The following VASP variants were observed in gnomAD, a reference collection of about 807,000 sequenced individuals.
VASP encodes vasodilator stimulated phosphoprotein.
VASP carries 27 observed loss-of-function variants against 54.4 expected under a neutral mutation model. The observed-to-expected ratio is 0.50, with a 90% CI of 0.37 to 0.68. VASP has a LOEUF of 0.68. VASP is among the 30% of genes least tolerant of loss of function. VASP has a pLI of 0.00. For synonymous variants in VASP, 233 were observed against 209.8 expected (o/e 1.11, Z -0.96); for missense variants, 488 against 528.3 (o/e 0.92, Z 0.75).
chr19:45,520,761 C>T (rs1436642547), intron 3 of VASP, among the ~76,000 whole-genome samples: 1 of 152,158 alleles, frequency 6.6e-6, no homozygotes, highest in Admixed American at 6.5e-5. Context: ...GTCAGGAGTT[C>T]GAGACCAGCC....
chr19:45,507,884 C>T lies in VASP; in HGVS notation c.5+108C>T. 1.5e-6 allele frequency: 1 copy of T among 661,408 alleles called. No homozygotes were observed. Among genetic ancestry groups the T allele is most frequent in the Non-Finnish European group, 2.3e-6 (1 of 432,342 alleles). The allele number at this position is 661,408 out of a possible 1,614,324, so 41.0% of individuals were successfully genotyped here. A position where few individuals can be genotyped will look rare whatever the true frequency, so the allele number is the denominator to read the frequency against. ...CCGGGCTGGAATTTGGGGACAGATC[C>T]TTGGGAGCCTCGGATTTGAGCTGAA... On this transcript the variant is annotated intron_variant, in intron 1 of 12. Coordinates refer to ENST00000245932, the MANE Select transcript of VASP (RefSeq NM_003370.4). The surrounding 1 kb of genome is among the most constrained non-coding windows in gnomAD (Gnocchi z 4.4).
At position 45,517,367 on chromosome 19, in the gene VASP, C is replaced by A. The variant is rs541489429; in HGVS notation, c.6-296C>A. On this transcript the variant is annotated intron_variant, in intron 1 of 12. Transcript: ENST00000245932. ...CCATCCTTTTTCCCCACCCCTCCCC[C>A]ATCTGTTCATCTGTCTGTCTGCCTT... Among the ~76,000 whole-genome samples, 12 of 129,670 alleles carry A rather than the reference C, an allele frequency of 9.3e-5. No individual in the cohort carries two copies. The East Asian group carries it at 1.0e-3, about 11-fold the overall frequency. 85.1% of individuals were successfully genotyped at this position (129,670 alleles called of 152,430 possible).
chr19:45,512,206 A>G (rs1000823197), intron 1 of VASP, among the ~76,000 whole-genome samples: 5 of 152,082 alleles, frequency 3.3e-5, no homozygotes, highest in Admixed American at 6.5e-5. Context: ...GTTCCCCTCA[A>G]TGGAGGCAGC....
intron 11 of VASP, 173 bp downstream of exon 11, chr19:45,524,833 GC>G: frequency 1.7e-6 from 1 of 602,848 alleles, no homozygotes; most frequent in Non-Finnish European, 2.9e-6. Context: ...CCCTTTTCTG[GC>G]ACCTGTGACA....
In VASP at chr19:45,507,559, C is replaced by G. The variant is rs1441042507; in HGVS notation, c.-213C>G. 1 of 539,824 alleles carries G rather than the reference C, an allele frequency of 1.9e-6. No homozygotes were observed. The highest frequency in any genetic ancestry group is 3.2e-6 in the Non-Finnish European group (1 of 312,190). The allele number at this position is 539,824 out of a possible 1,614,324, so 33.4% of individuals were successfully genotyped here. ...CGGACGCTGCATCCCCTTTCTGCTG[C>G]AGGAACCTCTCATCAGACCGCCTGA... is the stretch of plus-strand genomic sequence containing the variant. On this transcript the variant is annotated 5_prime_UTR_variant, in exon 1 of 13. Coordinates refer to ENST00000245932, the MANE Select transcript of VASP (RefSeq NM_003370.4). This position sits in a 1 kb window ranked among gnomAD's most constrained non-coding sequence, Gnocchi z 4.4.
intron 11 of VASP, 36 bp downstream of exon 11, chr19:45,524,696 G>A: frequency 6.3e-7 from 1 of 1,599,338 alleles, no homozygotes; most frequent in South Asian, 1.1e-5. Flanking sequence ...CACAGCAAGA[G>A]AGATCTAGGT....
At chr19:45,519,149 G>C (rs1968770692) in intron 3 of VASP, among the ~76,000 whole-genome samples, 1 of 152,218 alleles carries the variant, frequency 6.6e-6, no homozygotes, top group Non-Finnish European at 1.5e-5. Context: ...CGAGTAGCTG[G>C]GACTATAGGC....
At chr19:45,514,511 G>A (rs1476993732) in intron 1 of VASP, among the ~76,000 whole-genome samples, 3 of 152,108 alleles carry the variant, frequency 2.0e-5, no homozygotes, top group Non-Finnish European at 4.4e-5. Context: ...ATGAGCCACC[G>A]TTCCCCGCCC....
At chr19:45,512,894 C>T (rs1014418216) in intron 1 of VASP, among the ~76,000 whole-genome samples, 1 of 152,266 alleles carries the variant, frequency 6.6e-6, no homozygotes, top group East Asian at 1.9e-4. Context: ...CCACCGCACC[C>T]GACCTTTTTT....
In VASP at chr19:45,519,894, CTTT is replaced by C. The variant is rs57892194; in HGVS notation, c.344-1402_344-1400del. Among the ~76,000 whole-genome samples the C allele has an allele frequency of 8.5e-3, 432 of 50,932 alleles. 1 individual carries two copies. Among genetic ancestry groups the C allele is most frequent in the Middle Eastern group, 0.038 (1 of 26 alleles). 33.4% of individuals were successfully genotyped at this position (50,932 alleles called of 152,430 possible). A position where few individuals can be genotyped will look rare whatever the true frequency, so the allele number is the denominator to read the frequency against. On this transcript the variant is annotated intron_variant, in intron 3 of 12. Transcript: ENST00000245932. ...ACAGGCGTGAGCCACTGCGCCCGGCCTTTTTTTTTTTTTTTTTTTTTTTTTTTT... is the reference window on the plus strand; with the variant it reads ...ACAGGCGTGAGCCACTGCGCCCGGCCTTTTTTTTTTTTTTTTTTTTTTTTT...
At position 45,523,534 on chromosome 19, in the gene VASP, T is replaced by C. The variant is rs551064673; in HGVS notation, c.822-110T>C. 737 of 1,282,422 alleles carry C rather than the reference T, an allele frequency of 5.7e-4. 4 individuals are homozygous for C. In the Middle Eastern group the frequency reaches 0.011, roughly 19 times the overall value. 79.4% of individuals were successfully genotyped at this position (1,282,422 alleles called of 1,614,324 possible). A position where few individuals can be genotyped will look rare whatever the true frequency, so the allele number is the denominator to read the frequency against. Reference sequence around the variant, plus strand: ...TTTCTAAAACTAGAGTTTCCTTAGGTTTTCGGAGTTCCAGAATTCTATGCG... The same window carrying C: ...TTTCTAAAACTAGAGTTTCCTTAGGCTTTCGGAGTTCCAGAATTCTATGCG... On this transcript the variant is annotated intron_variant, in intron 7 of 12. Transcript: ENST00000245932.
At position 45,517,852 on chromosome 19, in the gene VASP, C is replaced by T; in HGVS notation, c.177+18C>T. 1 of 1,611,268 alleles carries T rather than the reference C, an allele frequency of 6.2e-7. No homozygotes were observed. The highest frequency in any genetic ancestry group is 8.5e-7 in the Non-Finnish European group (1 of 1,179,162). On this transcript the variant is annotated intron_variant, in intron 2 of 12. Coordinates refer to ENST00000245932, the MANE Select transcript of VASP (RefSeq NM_003370.4). ...ACCAGCAGGTGCAGCTTCCCGCCGG[C>T]CCCCTCTGTGGGCTGAACCCCTACC...
At chr19:45,510,348 T>TCCGAGTA (rs1472722308) in intron 1 of VASP, among the ~76,000 whole-genome samples, 1 of 152,016 alleles carries the variant, frequency 6.6e-6, no homozygotes, top group Non-Finnish European at 1.5e-5. Context: ...TCCTCAACCT[T>TCCGAGTA]CCGAGTAGCT....
Position 45,521,371 on chromosome 19 carries a change from C to T in VASP, c.393C>T (p.Asn131=), listed in dbSNP as rs762277294. The T allele has an allele frequency of 3.4e-5, 54 of 1,581,582 alleles. No homozygotes were observed. The highest frequency in any genetic ancestry group is 4.1e-5 in the Non-Finnish European group (48 of 1,163,878). ...PPALPTWSVP[N]GPSPEEVEQQ... is the part of the protein sequence containing the mutation. The stretch of plus-strand genomic sequence containing the variant: ...CACTTCCCACCTGGTCGGTCCCGAA[C>T]GGCCCCTCCCCGGAGGAGGTGGAGC... Residue 131 remains asparagine, a synonymous_variant, in exon 4 of 13, where the codon AAC becomes AAT. Transcript: ENST00000245932.
intron 1 of VASP, among the ~76,000 whole-genome samples, chr19:45,514,171 C>T (rs920190732): frequency 6.6e-6 from 1 of 151,974 alleles, no homozygotes; most frequent in Admixed American, 6.6e-5. Flanking sequence ...CACACAGGCC[C>T]GAGGCAGGAA....
At chr19:45,508,489 C>A (rs1355352500) in intron 1 of VASP, among the ~76,000 whole-genome samples, 1 of 152,148 alleles carries the variant, frequency 6.6e-6, no homozygotes, top group Non-Finnish European at 1.5e-5. Context: ...GAGGGCGGCT[C>A]CCCGCCTCCG....
chr19:45,512,539 C>T (rs926508336), intron 1 of VASP, among the ~76,000 whole-genome samples: 3 of 151,810 alleles, frequency 2.0e-5, no homozygotes, highest in Admixed American at 6.6e-5. Flanking sequence ...CCGCCTGCTT[C>T]GGCCTCCCAA....
chr19:45,524,109 G>A lies in VASP; in HGVS notation c.923G>A (p.Arg308Lys). ...TGCCTATCCCCAGAATCTGTGCGGA[G>A]ACCCTGGGAGAAGAACAGCACAACC... Reference protein sequence around the residue: ...RVPAQSESVRRPWEKNSTTLP... With the variant: ...RVPAQSESVRKPWEKNSTTLP... The change falls in exon 10 of 13, where the codon AGA becomes AAA. Residue 308 changes from arginine (R) to lysine (K), a missense_variant. By Grantham distance (26) the Arg-to-Lys change is conservative (BLOSUM62 2). Coordinates refer to ENST00000245932, the MANE Select transcript of VASP (RefSeq NM_003370.4). The A allele has an allele frequency of 6.2e-7, 1 of 1,613,970 alleles. No homozygotes were observed. The highest frequency in any genetic ancestry group is 1.1e-5 in the South Asian group (1 of 91,082).
chr19:45,523,777 C>T (rs1218245264), intron 8 of VASP, 64 bp from the exon 9 acceptor site: 2 of 1,613,988 alleles, frequency 1.2e-6, no homozygotes, highest in Non-Finnish European at 1.7e-6. Context: ...GGGTTTGAAC[C>T]TGAAAGAGGA....
Sources: gnomAD v4.1 joint callset for allele counts (sites outside exome capture counted in the v4.1 genomes callset) on GRCh38, gnomAD v4.1.1 for gene constraint, Gnocchi (gnomAD v3.1) non-coding constraint, MANE v1.5 for transcripts, NCBI Gene and HGNC (gene_info 2026-07-23, HGNC 2026-07-21) for gene names.